The following DSCAM variants were observed in gnomAD, a reference collection of about 807,000 sequenced individuals.
The protein encoded by DSCAM is cell adhesion molecule DSCAM.
In DSCAM, 47 loss-of-function variants were observed where a neutral mutation model predicts 217.7. That is an observed-to-expected ratio of 0.22 (90% CI 0.17 to 0.28). The LOEUF is 0.28. DSCAM is among the 10% of genes least tolerant of loss of function. The probability of loss-of-function intolerance (pLI) is 1.00; values close to 1 mark genes in which losing one functional copy is unlikely to be tolerated. For synonymous variants in DSCAM, 1,056 were observed against 1,015.3 expected, an observed-to-expected ratio of 1.04 and a Z score of -0.76; for missense variants, 2,080 against 2,618.3, an observed-to-expected ratio of 0.79 and a Z score of 4.49.
chr21:40,517,249 GTA>G (rs957962707), intron 3 of DSCAM, among the ~76,000 whole-genome samples: 15 of 147,666 alleles, frequency 1.0e-4, no homozygotes, highest in African/African-American at 3.7e-4. Context: ...CCTTATGTGT[GTA>G]TATATATACC....
At chr21:40,524,490 C>T (rs1336885536) in intron 3 of DSCAM, among the ~76,000 whole-genome samples, 3 of 152,042 alleles carry the variant, frequency 2.0e-5, no homozygotes, top group Admixed American at 6.5e-5. Context: ...TATATAAACA[C>T]TTTACATAGA....
chr21:40,675,463 T>A (rs117663367), intron 3 of DSCAM, among the ~76,000 whole-genome samples: 1,859 of 152,316 alleles, frequency 0.012, 20 homozygotes, highest in Middle Eastern at 0.034. Flanking sequence ...TCCTATAGAA[T>A]CCCCACGCCA....
intron 3 of DSCAM, among the ~76,000 whole-genome samples, chr21:40,476,471 A>G: frequency 6.6e-6 from 1 of 152,218 alleles, no homozygotes; most frequent in East Asian, 1.9e-4. Flanking sequence ...AATTTATCAT[A>G]ATAATATTGA....
chr21:40,567,740 A>G (rs1435819422), intron 3 of DSCAM, among the ~76,000 whole-genome samples: 2 of 152,222 alleles, frequency 1.3e-5, no homozygotes, highest in Admixed American at 1.3e-4. Context: ...TTGTTTGCTA[A>G]TGTGTTAGCA....
intron 3 of DSCAM, among the ~76,000 whole-genome samples, chr21:40,676,088 T>A (rs1449361919): frequency 6.6e-6 from 1 of 152,232 alleles, no homozygotes; most frequent in African/African-American, 2.4e-5. Flanking sequence ...TACATGAAAT[T>A]ACTTTTCCAG....
At chr21:40,045,052 C>G (rs1426682788) in intron 30 of DSCAM, among the ~76,000 whole-genome samples, 1 of 152,170 alleles carries the variant, frequency 6.6e-6, no homozygotes, top group Non-Finnish European at 1.5e-5. Flanking sequence ...AAGAAGAGGA[C>G]ACAGACACAG....
At chr21:40,305,257 G>A (rs922917351) in intron 9 of DSCAM, among the ~76,000 whole-genome samples, 2 of 152,000 alleles carry the variant, frequency 1.3e-5, no homozygotes, top group African/African-American at 4.8e-5. Context: ...TGGCATGTTG[G>A]CACATGCCTG....
chr21:40,757,049 G>A lies in DSCAM; in HGVS notation c.44-48278C>T, dbSNP rs189278040. ...ATTTTTATTTTATTTTTTTGAGATG[G>A]AGTCTTGCTCTGTTGCCCAGGCTGG... On this transcript the variant is annotated intron_variant, in intron 1 of 32. Transcript: ENST00000400454. Among the ~76,000 whole-genome samples, 3 of 151,944 alleles carry A rather than the reference G, an allele frequency of 2.0e-5. No homozygotes were observed. In the East Asian group the frequency reaches 5.8e-4, roughly 29 times the overall value.
intron 9 of DSCAM, among the ~76,000 whole-genome samples, chr21:40,304,882 A>C (rs1431766204): frequency 2.0e-5 from 3 of 152,220 alleles, no homozygotes; most frequent in Non-Finnish European, 2.9e-5. Flanking sequence ...TAGTAACATT[A>C]TAATAGTAAC....
chr21:40,783,099 G>A (rs186956365), intron 1 of DSCAM, among the ~76,000 whole-genome samples: 49 of 152,354 alleles, frequency 3.2e-4, no homozygotes, highest in South Asian at 4.1e-4. Flanking sequence ...ACAGAAAAGA[G>A]AGAAGGGAGA....
chr21:40,329,660 T>TAAA (rs2074355537), intron 8 of DSCAM, among the ~76,000 whole-genome samples: 2 of 145,126 alleles, frequency 1.4e-5, no homozygotes, highest in Non-Finnish European at 3.0e-5. Context: ...AAATAAATAA[T>TAAA]AAAAATAAAA....
At chr21:40,358,927 T>A (rs1173962437) in intron 4 of DSCAM, among the ~76,000 whole-genome samples, 1 of 151,898 alleles carries the variant, frequency 6.6e-6, no homozygotes, top group Non-Finnish European at 1.5e-5. Context: ...AATGCTTATA[T>A]CTCTATAATG....
intron 3 of DSCAM, among the ~76,000 whole-genome samples, chr21:40,648,914 G>A (rs112334072): frequency 0.018 from 2,680 of 152,258 alleles, 94 homozygotes; most frequent in African/African-American, 0.062. Context: ...AGGAGCTCGG[G>A]AACTGCCAAA....
At chr21:40,042,321 G>T in intron 32 of DSCAM, 50 bp downstream of exon 32, 1 of 1,580,998 alleles carries the variant, frequency 6.3e-7, no homozygotes, top group Middle Eastern at 2.1e-4. Flanking sequence ...GGAGGACCAG[G>T]AAGGTGCACT....
At chr21:40,814,059 G>A (rs2091861147) in intron 1 of DSCAM, among the ~76,000 whole-genome samples, 1 of 152,168 alleles carries the variant, frequency 6.6e-6, no homozygotes, top group Non-Finnish European at 1.5e-5. Context: ...CAATGCAGCT[G>A]GAATTCACTG....
chr21:40,622,643 C>T (rs1185128387), intron 3 of DSCAM, among the ~76,000 whole-genome samples: 1 of 152,064 alleles, frequency 6.6e-6, no homozygotes, highest in Non-Finnish European at 1.5e-5. Context: ...GAGGTATAGC[C>T]TGCCCGAATA....
rs532693282 is a variant in DSCAM, at chr21:40,387,691, G to A, written c.509-18446C>T. Among the ~76,000 whole-genome samples, 484 of 152,196 alleles carry A rather than the reference G, an allele frequency of 3.2e-3. 4 individuals carry two copies. Among genetic ancestry groups the A allele is most frequent in the African/African-American group, 0.011 (449 of 41,506 alleles). On this transcript the variant is annotated intron_variant, in intron 3 of 32. Transcript: ENST00000400454. The stretch of plus-strand genomic sequence containing the variant: ...ATTAGAGAACAATTTATCATAAAAA[G>A]GAGTCAGAAGAAGCAATAGAGGCCT...
chr21:40,384,473 G>A (rs1354104908), intron 3 of DSCAM: 4 of 152,614 alleles, frequency 2.6e-5, no homozygotes, highest in African/African-American at 4.8e-5. Context: ...CAGGCATGGT[G>A]GCCCATGCCT....
chr21:40,155,708 T>G (rs757016995), intron 16 of DSCAM, among the ~76,000 whole-genome samples: 1 of 152,078 alleles, frequency 6.6e-6, no homozygotes, highest in Non-Finnish European at 1.5e-5. Context: ...GGGCCAATCA[T>G]GATCCAACAC....
Sources: allele counts gnomAD v4.1 joint callset (sites outside exome capture counted in the v4.1 genomes callset), GRCh38; gene constraint gnomAD v4.1.1; transcripts MANE v1.5; gene names NCBI Gene and HGNC (gene_info 2026-07-23, HGNC 2026-07-21).